The following CDH11 variants were observed in gnomAD, a reference collection of about 807,000 sequenced individuals.
CDH11 encodes the protein cadherin 11, also known as cadherin-11.
CDH11 carries 11 observed loss-of-function variants against 67.8 expected under a neutral mutation model. The ratio of observed to expected loss-of-function variants is 0.16; its 90% CI spans 0.10 to 0.27. CDH11 has a LOEUF of 0.27. CDH11 is among the 10% of genes least tolerant of loss of function. The pLI is 1.00. For synonymous variants in CDH11, 419 were observed against 400.0 expected (o/e 1.05, Z -0.57); for missense variants, 847 against 1,031.2 (o/e 0.82, Z 2.45).
chr16:64,948,298 GC>G (rs1243836746), intron 12 of CDH11, among the ~76,000 whole-genome samples, 199 bp from the exon 13 acceptor site: 1 of 152,168 alleles, frequency 6.6e-6, no homozygotes, highest in African/African-American at 2.4e-5. Context: ...TACAAATGCT[GC>G]CATGAAAACA....
At chr16:65,028,793 T>C (rs1157290153) in intron 2 of CDH11, among the ~76,000 whole-genome samples, 1 of 152,182 alleles carries the variant, frequency 6.6e-6, no homozygotes, top group Non-Finnish European at 1.5e-5. Context: ...TGGATGAACC[T>C]GGAGGACATT....
At chr16:64,952,964 C>G (rs2071401572) in intron 11 of CDH11, among the ~76,000 whole-genome samples, 1 of 152,076 alleles carries the variant, frequency 6.6e-6, no homozygotes, top group Non-Finnish European at 1.5e-5. Context: ...CAAGGATGTT[C>G]AAAGTCCTTA....
chr16:65,045,631 G>C (rs1222765455), intron 2 of CDH11, among the ~76,000 whole-genome samples: 1 of 151,946 alleles, frequency 6.6e-6, no homozygotes, highest in Non-Finnish European at 1.5e-5. Flanking sequence ...CTGCACAAAG[G>C]ATAATTTGGG....
upstream of CDH11, chr16:65,122,122 A>C: frequency 9.8e-5 from 6 of 61,294 alleles, no homozygotes; most frequent in Non-Finnish European, 1.2e-4. Context: ...GCGGGCGGGC[A>C]GGCGGGTGCG....
chr16:65,097,403 T>C (rs914131257), intron 1 of CDH11, among the ~76,000 whole-genome samples: 8 of 152,252 alleles, frequency 5.3e-5, no homozygotes, highest in African/African-American at 1.7e-4. Flanking sequence ...AACTTTCAGA[T>C]TGACCCTCAT....
intron 1 of CDH11, among the ~76,000 whole-genome samples, chr16:65,080,516 G>A (rs896946816): frequency 1.3e-5 from 2 of 152,128 alleles, no homozygotes; most frequent in Non-Finnish European, 1.5e-5. Flanking sequence ...AACAAAATTT[G>A]TAAAGGGATA....
intron 1 of CDH11, among the ~76,000 whole-genome samples, chr16:65,082,931 CAGGGGGATCACACGAGAAGGCACACA>C (rs1201128680): frequency 6.6e-6 from 1 of 152,128 alleles, no homozygotes; most frequent in African/African-American, 2.4e-5. Flanking sequence ...GTGGGCACTG[CAGGGGGATCACACGAGAAGGCACACA>C]AGGGTTTTAT....
intron 1 of CDH11, among the ~76,000 whole-genome samples, chr16:65,078,507 T>TC (rs1025645610): frequency 6.6e-6 from 1 of 152,002 alleles, no homozygotes; most frequent in African/African-American, 2.4e-5. Context: ...AACCATTGTT[T>TC]CCCCCATTAA....
chr16:65,015,963 C>T (rs1268999916), intron 2 of CDH11, among the ~76,000 whole-genome samples: 1 of 152,178 alleles, frequency 6.6e-6, no homozygotes, highest in Non-Finnish European at 1.5e-5. Context: ...ATGTATCCAT[C>T]CAGCTTAATC....
chr16:65,042,220 A>G (rs952523502), intron 2 of CDH11, among the ~76,000 whole-genome samples: 1 of 152,258 alleles, frequency 6.6e-6, no homozygotes, highest in Non-Finnish European at 1.5e-5. Context: ...CACAGGGCTT[A>G]GAATCCCATG....
At chr16:64,988,493 G>A (rs1382331671) in intron 6 of CDH11, 149 bp from the exon 7 acceptor site, 1 of 683,514 alleles carries the variant, frequency 1.5e-6, no homozygotes, top group East Asian at 2.8e-5. Flanking sequence ...TGGATGTGGG[G>A]AGGAGGATCC....
At chr16:65,050,301 T>C (rs1425775967) in intron 2 of CDH11, among the ~76,000 whole-genome samples, 1 of 152,286 alleles carries the variant, frequency 6.6e-6, no homozygotes, top group Non-Finnish European at 1.5e-5. Context: ...GTAAGTTAAC[T>C]AGAGTGCCGA....
At chr16:64,960,847 A>T (rs1023710672) in intron 11 of CDH11, among the ~76,000 whole-genome samples, 3 of 151,984 alleles carry the variant, frequency 2.0e-5, no homozygotes, top group African/African-American at 7.2e-5. Flanking sequence ...AGAGAGAGAG[A>T]GGCATTGTCC....
rs893807762 is a variant in CDH11 at position 65,121,609 on chromosome 16, G to A, written c.-298+271C>T. Among the ~76,000 whole-genome samples, 9 of 152,192 alleles carry A rather than the reference G, an allele frequency of 5.9e-5. No individual in the cohort carries two copies. The highest frequency in any genetic ancestry group is 1.7e-4 in the African/African-American group (7 of 41,472). On this transcript the variant is annotated intron_variant, in intron 1 of 12. Transcript: ENST00000268603. This position sits in a 1 kb window ranked among gnomAD's most constrained non-coding sequence, Gnocchi z 4.1. ...TGGCCTCGGCGCAGACCCCACAGGA[G>A]GCCGGAGCCAGGGAGAGTCGTGGAG...
intron 11 of CDH11, among the ~76,000 whole-genome samples, chr16:64,968,096 T>C (rs905808496): frequency 3.9e-5 from 6 of 152,198 alleles, no homozygotes; most frequent in Non-Finnish European, 8.8e-5. Context: ...TTTTACAGTG[T>C]GCCATGTACA....
At chr16:65,109,611 C>T (rs551709478) in intron 1 of CDH11, among the ~76,000 whole-genome samples, 2 of 152,314 alleles carry the variant, frequency 1.3e-5, no homozygotes, top group African/African-American at 4.8e-5. Context: ...CTTTCATGCA[C>T]CCATCAATGC....
At chr16:64,976,048 C>A (rs373275248) in intron 8 of CDH11, among the ~76,000 whole-genome samples, 6 of 151,922 alleles carry the variant, frequency 3.9e-5, no homozygotes, top group African/African-American at 1.2e-4. Context: ...ATTACAAGAT[C>A]AAAAATATGT....
chr16:65,049,866 G>A (rs1309606033), intron 2 of CDH11, among the ~76,000 whole-genome samples: 1 of 152,116 alleles, frequency 6.6e-6, no homozygotes, highest in Non-Finnish European at 1.5e-5. Context: ...TCCCAAAATA[G>A]GAAATACACA....
chr16:65,073,630 C>A (rs1223679181), intron 1 of CDH11, among the ~76,000 whole-genome samples: 1 of 151,946 alleles, frequency 6.6e-6, no homozygotes, highest in Non-Finnish European at 1.5e-5. Context: ...TTTTTGGGTA[C>A]CCTCTTAAAT....
Sources: gnomAD v4.1 joint callset for allele counts (sites outside exome capture counted in the v4.1 genomes callset) on GRCh38, gnomAD v4.1.1 for gene constraint, Gnocchi (gnomAD v3.1) non-coding constraint, MANE v1.5 for transcripts, NCBI Gene and HGNC (gene_info 2026-07-23, HGNC 2026-07-21) for gene names.